Variants in MTAP observed in about 807,000 individuals in gnomAD.
MTAP encodes the protein methylthioadenosine phosphorylase.
MTAP carries 33 observed loss-of-function variants against 33.6 expected under a neutral mutation model. The ratio of observed to expected loss-of-function variants is 0.98; its 90% CI spans 0.74 to 1.31. The LOEUF (loss-of-function observed/expected upper bound fraction) is 1.31. Ranked by LOEUF, MTAP falls within the 40% of genes most tolerant of loss-of-function variation. The pLI is 0.00. For synonymous variants in MTAP, 148 were observed against 125.7 expected, an observed-to-expected ratio of 1.18 and a Z score of -1.19; for missense variants, 367 against 360.0, an observed-to-expected ratio of 1.02 and a Z score of -0.16.
intron 1 of MTAP, among the ~76,000 whole-genome samples, chr9:21,904,475 A>G (rs946164644): frequency 1.3e-5 from 2 of 152,084 alleles, no homozygotes; most frequent in South Asian, 2.1e-4. Flanking sequence ...CAGCACTCCC[A>G]TATCAATAGT....
At chr9:21,829,346 C>G (rs1193405766) in intron 4 of MTAP, among the ~76,000 whole-genome samples, 2 of 152,094 alleles carry the variant, frequency 1.3e-5, no homozygotes, top group African/African-American at 4.8e-5. Context: ...ATCACTTTAC[C>G]CACTACACGT....
intron 1 of MTAP, among the ~76,000 whole-genome samples, chr9:21,815,131 T>A (rs190478927): frequency 1.7e-3 from 254 of 152,352 alleles, no homozygotes; most frequent in East Asian, 9.6e-4. Context: ...TTGAGTTGGT[T>A]AAAATACCTC....
chr9:21,910,893 G>A (rs1371224406), intron 1 of MTAP, among the ~76,000 whole-genome samples: 1 of 152,014 alleles, frequency 6.6e-6, no homozygotes, highest in Non-Finnish European at 1.5e-5. Flanking sequence ...CCGCCTCTAA[G>A]AAATTGCCTA....
In MTAP at chr9:21,890,482, T is replaced by G. The variant is rs890399398; in HGVS notation, c.147+35612T>G. On this transcript the variant is annotated intron_variant, in intron 1 of 1. Coordinates refer to the MTAP transcript ENST00000577563. Reference sequence around the variant, plus strand: ...GATTCTGCCCAGGAAAGTTCATGATTGGTCAAAATTATTACAGAGTTCAAC... The same window carrying G: ...GATTCTGCCCAGGAAAGTTCATGATGGGTCAAAATTATTACAGAGTTCAAC... 5.3e-5 allele frequency among the ~76,000 whole-genome samples: 8 copies of G among 152,172 alleles called. 1 individual carries two copies. The highest frequency in any genetic ancestry group is 2.0e-4 in the Admixed American group (3 of 15,280).
At chr9:21,804,158 C>G (rs1200589314) in intron 1 of MTAP, among the ~76,000 whole-genome samples, 1 of 152,164 alleles carries the variant, frequency 6.6e-6, no homozygotes, top group African/African-American at 2.4e-5. Context: ...ATTATATTGT[C>G]TATGTTGCAC....
At chr9:21,915,018 T>TCCCTCCCTCCCTC (rs1191009896) in intron 1 of MTAP, among the ~76,000 whole-genome samples, 1 of 97,372 alleles carries the variant, frequency 1.0e-5, no homozygotes, top group African/African-American at 5.9e-5. Flanking sequence ...CTTCCTTCCT[T>TCCCTCCCTCCCTC]CCTTCCTTCC....
chr9:21,920,095 ATT>A (rs1183966605), intron 1 of MTAP, among the ~76,000 whole-genome samples: 2 of 152,190 alleles, frequency 1.3e-5, no homozygotes, highest in African/African-American at 4.8e-5. Flanking sequence ...GGGTTAAGGA[ATT>A]AGACTAGAGT....
intron 1 of MTAP, among the ~76,000 whole-genome samples, chr9:21,924,043 C>T (rs931033540): frequency 2.0e-5 from 3 of 152,192 alleles, no homozygotes; most frequent in African/African-American, 7.2e-5. Context: ...TATTCTGAAA[C>T]TCCAAGGATA....
chr9:21,886,233 G>T (rs1407739665), intron 1 of MTAP, among the ~76,000 whole-genome samples: 1 of 149,504 alleles, frequency 6.7e-6, no homozygotes, highest in Admixed American at 6.7e-5. Flanking sequence ...TTTCATGTTT[G>T]TTGGCCATTT....
intron 1 of MTAP, among the ~76,000 whole-genome samples, chr9:21,919,424 T>G (rs1818749599): frequency 6.6e-6 from 1 of 152,206 alleles, no homozygotes; most frequent in South Asian, 2.1e-4. Flanking sequence ...CATTTTTTCT[T>G]TTTCTATAAA....
chr9:21,903,716 G>A (rs546460097), intron 1 of MTAP, among the ~76,000 whole-genome samples: 1 of 152,274 alleles, frequency 6.6e-6, no homozygotes, highest in Non-Finnish European at 1.5e-5. Flanking sequence ...AAGGGCATGC[G>A]ATGAGGGAGT....
At chr9:21,857,596 T>C (rs1222987651) in intron 6 of MTAP, among the ~76,000 whole-genome samples, 1 of 152,244 alleles carries the variant, frequency 6.6e-6, no homozygotes, top group Non-Finnish European at 1.5e-5. Flanking sequence ...ATTTTAGTCA[T>C]ATACAGAAGT....
In MTAP at chr9:21,863,283, T is replaced by C. The variant is rs1825789229; in HGVS notation, c.*1269T>C. 2 of 984,504 alleles carry C rather than the reference T, an allele frequency of 2.0e-6. No individual in the cohort carries two copies. 61.0% of individuals were successfully genotyped at this position (984,504 alleles called of 1,614,324 possible). A position where few individuals can be genotyped will look rare whatever the true frequency, so the allele number is the denominator to read the frequency against. On this transcript the variant is annotated 3_prime_UTR_variant, in exon 8 of 8. Coordinates refer to ENST00000644715, the MANE Select transcript of MTAP (RefSeq NM_002451.4). Reference sequence around the variant, plus strand: ...TTTAATAAAGTGGAAGCTTGCTTTTTTAACTCTTTTTTTATTGTTATTTTA... The same window carrying C: ...TTTAATAAAGTGGAAGCTTGCTTTTCTAACTCTTTTTTTATTGTTATTTTA...
intron 1 of MTAP, among the ~76,000 whole-genome samples, chr9:21,916,118 A>AGGAG (rs1355406496): frequency 6.1e-5 from 9 of 146,752 alleles, no homozygotes; most frequent in Non-Finnish European, 1.0e-4. Context: ...GAAGGAAGGA[A>AGGAG]GGAGGGAGGG....
intron 1 of MTAP, among the ~76,000 whole-genome samples, chr9:21,903,453 C>T (rs879693379): frequency 6.6e-6 from 1 of 152,040 alleles, no homozygotes; most frequent in Non-Finnish European, 1.5e-5. Flanking sequence ...GAAGAAAGTC[C>T]TTTTCAACTT....
At chr9:21,802,810 T>C (rs1174825738) in intron 1 of MTAP, 29 bp downstream of exon 1, 1 of 1,612,012 alleles carries the variant, frequency 6.2e-7, no homozygotes, top group Non-Finnish European at 8.5e-7. Context: ...GCCGCAGCGG[T>C]TCGCCCTGCC....
Position 21,854,776 on chromosome 9 carries a change from T to G in MTAP, c.596T>G (p.Val199Gly). The change falls in exon 6 of 8, where the codon GTT becomes GGT. Residue 199 changes from valine to glycine, a missense_variant. Coordinates refer to ENST00000644715, the MANE Select transcript of MTAP (RefSeq NM_002451.4). ...WGADVINMTT[V>G]PEVVLAKEAG... ...GCGGATGTTATCAACATGACCACAG[T>G]TCCAGAGGTGGTTCTTGCTAAGGAG... is the stretch of plus-strand genomic sequence containing the variant. 1.2e-6 allele frequency: 2 copies of G among 1,614,170 alleles called. No homozygotes were observed. Among genetic ancestry groups the G allele is most frequent in the Non-Finnish European group, 1.7e-6 (2 of 1,180,010 alleles).
intron 1 of MTAP, among the ~76,000 whole-genome samples, chr9:21,926,819 C>T (rs979438806): frequency 6.6e-6 from 1 of 152,098 alleles, no homozygotes; most frequent in African/African-American, 2.4e-5. Flanking sequence ...CAAGGCACAT[C>T]GATTAAGAAA....
At chr9:21,868,648 C>A (rs1263654460), downstream of MTAP, among the ~76,000 whole-genome samples, 3 of 152,126 alleles carry the variant, frequency 2.0e-5, no homozygotes, top group African/African-American at 7.2e-5. Context: ...TAAAACCCTT[C>A]ATCAGCTCTC....
Sources: allele counts gnomAD v4.1 joint callset (sites outside exome capture counted in the v4.1 genomes callset), GRCh38; gene constraint gnomAD v4.1.1; transcripts MANE v1.5; gene names NCBI Gene and HGNC (gene_info 2026-07-23, HGNC 2026-07-21).